GTF3C2: variants seen among roughly 807,000 people sequenced by gnomAD.
GTF3C2 encodes the protein general transcription factor 3C polypeptide 2.
Under a neutral mutation model 117.4 loss-of-function variants are expected in GTF3C2, and 17 were observed. That is an observed-to-expected ratio of 0.14 (90% CI 0.10 to 0.22). The LOEUF (loss-of-function observed/expected upper bound fraction) is 0.22. Among genes scored for constraint, GTF3C2 ranks in the 10% least tolerant of loss-of-function variants. The pLI is 1.00. For missense variants in GTF3C2, 888 were observed against 1,143.6 expected, an observed-to-expected ratio of 0.78 and a Z score of 3.22; for synonymous variants, 437 against 427.0, an observed-to-expected ratio of 1.02 and a Z score of -0.29.
chr2:27,342,902 A>C, exon 3 of GTF3C2: 1 of 1,614,162 alleles, frequency 6.2e-7, no homozygotes. Flanking sequence ...GGAGATTGAG[A>C]TTCTGGCCGA....
rs142037262 is a variant in GTF3C2 at position 27,330,509 on chromosome 2, A to G, written c.1733-986T>C. Reference sequence around the variant, plus strand: ...AAATGTTCGCTAACTCTGCCCCAAGACAAAGAGAACAGGCAAAAAGTCAAA... The same window carrying G: ...AAATGTTCGCTAACTCTGCCCCAAGGCAAAGAGAACAGGCAAAAAGTCAAA... On this transcript the variant is annotated intron_variant, in intron 12 of 18. Transcript: ENST00000264720. 7.8e-3 allele frequency among the ~76,000 whole-genome samples: 1,184 copies of G among 152,172 alleles called. 15 individuals carry two copies. The highest frequency in any genetic ancestry group is 0.027 in the African/African-American group (1,131 of 41,514).
chr2:27,330,492 G>A (rs757278366), intron 12 of GTF3C2, among the ~76,000 whole-genome samples: 6 of 151,754 alleles, frequency 4.0e-5, no homozygotes, highest in Non-Finnish European at 7.4e-5. Flanking sequence ...GAAAATGTTC[G>A]CTAACTCTGC....
intron 1 of GTF3C2, among the ~76,000 whole-genome samples, chr2:27,354,503 G>A (rs1410408952): frequency 6.6e-6 from 1 of 152,230 alleles, no homozygotes; most frequent in African/African-American, 2.4e-5. Flanking sequence ...ACTCACGCCT[G>A]TAATCCCAGC....
At chr2:27,351,042 G>C (rs1018860807) in intron 1 of GTF3C2, among the ~76,000 whole-genome samples, 1 of 151,978 alleles carries the variant, frequency 6.6e-6, no homozygotes, top group African/African-American at 2.4e-5. Flanking sequence ...CTTATGCCCA[G>C]GAGTTGAAGA....
chr2:27,337,734 C>A, intron 5 of GTF3C2, 176 bp from the exon 6 acceptor site: 2 of 685,670 alleles, frequency 2.9e-6, no homozygotes, highest in Non-Finnish European at 2.6e-6. Flanking sequence ...AGAAACAGAG[C>A]CTTTCATTTT....
intron 17 of GTF3C2, among the ~76,000 whole-genome samples, 188 bp from the exon 18 acceptor site, chr2:27,327,472 C>T (rs537160142): frequency 6.6e-6 from 1 of 151,498 alleles, no homozygotes; most frequent in South Asian, 2.1e-4. Flanking sequence ...TTACAGGCGC[C>T]CGCCGTCACG....
In GTF3C2 at chr2:27,328,201, A is replaced by C; in HGVS notation, c.2257-12T>G. 6.4e-7 allele frequency: 1 copy of C among 1,559,140 alleles called. No individual in the cohort carries two copies. The highest frequency in any genetic ancestry group is 8.7e-7 in the Non-Finnish European group (1 of 1,154,128). ...GCTTTATATATAGGCTGGAAAGGAG[A>C]CCATGAAATTAGGTTCTATAATACT... On this transcript the variant is annotated splice_polypyrimidine_tract_variant and intron_variant, in intron 16 of 18. Transcript: ENST00000264720.
chr2:27,346,500 C>A (rs1295162667), intron 1 of GTF3C2, among the ~76,000 whole-genome samples: 1 of 150,196 alleles, frequency 6.7e-6, no homozygotes, highest in Non-Finnish European at 1.5e-5. Flanking sequence ...TACAGGCATG[C>A]ACCACCATGC....
chr2:27,355,953 T>C, intron 1 of GTF3C2: 1 of 524,268 alleles, frequency 1.9e-6, no homozygotes, highest in Non-Finnish European at 3.3e-6. Flanking sequence ...GCATTTAAAC[T>C]TTTTAAGTAA....
At chr2:27,327,418 C>T (rs764836816) in intron 17 of GTF3C2, 134 bp from the exon 18 acceptor site, 6 of 475,286 alleles carry the variant, frequency 1.3e-5, no homozygotes, top group Non-Finnish European at 2.2e-5. Context: ...CTGTGCTTCC[C>T]AGGTTCAAGT....
intron 10 of GTF3C2, among the ~76,000 whole-genome samples, chr2:27,334,974 A>G (rs948741182): frequency 6.6e-5 from 10 of 152,122 alleles, no homozygotes; most frequent in Non-Finnish European, 2.9e-5. Flanking sequence ...AGAATGGTCT[A>G]TATTTACTAT....
chr2:27,353,976 A>C (rs1226715502), intron 1 of GTF3C2, among the ~76,000 whole-genome samples: 1 of 151,392 alleles, frequency 6.6e-6, no homozygotes, highest in Non-Finnish European at 1.5e-5. Flanking sequence ...CTCTAGCTTC[A>C]ACTTCCAAAG....
intron 4 of GTF3C2, among the ~76,000 whole-genome samples, chr2:27,339,013 T>C (rs947173712): frequency 6.6e-6 from 1 of 152,216 alleles, no homozygotes; most frequent in East Asian, 1.9e-4. Context: ...ATTTCCGTCA[T>C]GTAAACCTGA....
chr2:27,349,644 A>T (rs940784493), intron 1 of GTF3C2, among the ~76,000 whole-genome samples: 7 of 143,398 alleles, frequency 4.9e-5, no homozygotes, highest in African/African-American at 1.8e-4. Flanking sequence ...AGGGAGTACT[A>T]TTTTTTTTTT....
At chr2:27,342,586 A>C (rs1680773460) in intron 3 of GTF3C2, 1 of 562,860 alleles carries the variant, frequency 1.8e-6, no homozygotes, top group Non-Finnish European at 3.2e-6. Flanking sequence ...GAGCTGGGTA[A>C]AGTTTGTGAA....
chr2:27,341,277 C>T (rs1680721672), intron 4 of GTF3C2, among the ~76,000 whole-genome samples: 1 of 152,162 alleles, frequency 6.6e-6, no homozygotes, highest in Non-Finnish European at 1.5e-5. Context: ...CTCGGGTGAT[C>T]CACCTGCCTT....
rs566132276 is a variant in GTF3C2 at position 27,333,795 on chromosome 2, A to G, written c.1603-11T>C. On this transcript the variant is annotated splice_polypyrimidine_tract_variant and intron_variant, in intron 11 of 18. Transcript: ENST00000264720. ...TGCCACACATTGTACCTGCAGGGAA[A>G]GAAGAGATGGGACTAGGGTTAGGGA... 4 of 1,600,964 alleles carry G rather than the reference A, an allele frequency of 2.5e-6. No homozygotes were observed. The South Asian group carries it at 4.4e-5, about 18-fold the overall frequency.
chr2:27,336,386 C>G, exon 8 of GTF3C2: 7 of 1,612,052 alleles, frequency 4.3e-6, no homozygotes, highest in Non-Finnish European at 5.9e-6. Flanking sequence ...TGAAGAAGGA[C>G]ACATCCCAGC....
At chr2:27,325,881 GAGA>G (rs1451648478) in exon 19 of GTF3C2, 1 of 177,308 alleles carries the variant, frequency 5.6e-6, no homozygotes, top group South Asian at 1.1e-4. Context: ...ATTTAATCTA[GAGA>G]AGATTTGGGA....
Sources: allele counts gnomAD v4.1 joint callset (sites outside exome capture counted in the v4.1 genomes callset), GRCh38; gene constraint gnomAD v4.1.1; transcripts MANE v1.5; gene names NCBI Gene and HGNC (gene_info 2026-07-23, HGNC 2026-07-21).